Variants in KANSL1 observed in about 807,000 individuals in gnomAD.
KANSL1 encodes KAT8 regulatory NSL complex subunit 1.
A neutral mutation model predicts 103.6 loss-of-function variants in KANSL1; 22 were observed. The ratio of observed to expected loss-of-function variants is 0.21; its 90% CI spans 0.15 to 0.30. The LOEUF is 0.30. Ranked by LOEUF, KANSL1 falls within the 10% of genes least tolerant of loss-of-function variation. The probability of loss-of-function intolerance (pLI) is 1.00; values close to 1 mark genes in which losing one functional copy is unlikely to be tolerated. For missense variants in KANSL1, 1,337 were observed against 1,399.8 expected, an observed-to-expected ratio of 0.96 and a Z score of 0.72; for synonymous variants, 600 against 527.6, an observed-to-expected ratio of 1.14 and a Z score of -1.88.
intron 1 of KANSL1, among the ~76,000 whole-genome samples, chr17:46,180,127 T>C (rs537325462): frequency 6.6e-6 from 1 of 151,888 alleles, no homozygotes; most frequent in African/African-American, 2.4e-5. Flanking sequence ...GAGGAAATAG[T>C]AGAATGAAGG....
intron 1 of KANSL1, among the ~76,000 whole-genome samples, chr17:46,187,197 T>C (rs2047075318): frequency 6.6e-6 from 1 of 152,250 alleles, no homozygotes; most frequent in Non-Finnish European, 1.5e-5. Flanking sequence ...ATATGAGTTC[T>C]TAGCAATTTT....
intron 6 of KANSL1, among the ~76,000 whole-genome samples, chr17:46,053,178 G>A (rs1598488953): frequency 2.0e-5 from 3 of 151,484 alleles, no homozygotes; most frequent in East Asian, 1.9e-4. Context: ...CCAGCTACTG[G>A]AGAGGCTGGT....
At position 46,145,083 on chromosome 17, in the gene KANSL1, A is replaced by G. The variant is rs186510959; in HGVS notation, c.1289+25772T>C. On this transcript the variant is annotated intron_variant, in intron 2 of 14. Coordinates refer to ENST00000432791, the MANE Select transcript of KANSL1 (RefSeq NM_015443.4). ...GAAATAATTCTTTTAGGATTGACAG[A>G]CAAGTACTACTTAAGTTCTATCATC... 2.2e-4 allele frequency among the ~76,000 whole-genome samples: 33 copies of G among 152,354 alleles called. No homozygotes were observed. The East Asian group carries it at 5.8e-3, about 27-fold the overall frequency.
At chr17:46,125,857 G>C (rs564583267) in intron 2 of KANSL1, among the ~76,000 whole-genome samples, 1 of 152,194 alleles carries the variant, frequency 6.6e-6, no homozygotes, top group Non-Finnish European at 1.5e-5. Context: ...CTACAGGCTA[G>C]TATTAGTAAT....
At chr17:46,062,617 C>G (rs1361872170) in intron 6 of KANSL1, among the ~76,000 whole-genome samples, 1 of 151,774 alleles carries the variant, frequency 6.6e-6, no homozygotes, top group Non-Finnish European at 1.5e-5. Context: ...CTTGGCCTCC[C>G]AAAGTGCTGG....
chr17:46,216,244 G>C (rs1479207259), intron 1 of KANSL1, among the ~76,000 whole-genome samples: 1 of 152,192 alleles, frequency 6.6e-6, no homozygotes, highest in Non-Finnish European at 1.5e-5. Context: ...TGCACAGGGT[G>C]AGAGGAAGAA....
At chr17:46,069,620 T>G (rs2078503502) in intron 4 of KANSL1, among the ~76,000 whole-genome samples, 2 of 152,102 alleles carry the variant, frequency 1.3e-5, no homozygotes, top group African/African-American at 2.4e-5. Context: ...GGCGCCTGTC[T>G]GTAATCCCAG....
chr17:46,223,924 A>AT (rs1488109399), upstream of KANSL1: 1 of 151,050 alleles, frequency 6.6e-6, no homozygotes, highest in Non-Finnish European at 1.5e-5. Flanking sequence ...AGTATAGAAA[A>AT]TACAGTCCCC....
chr17:46,072,605 T>C (rs572917586), intron 4 of KANSL1, among the ~76,000 whole-genome samples: 26 of 152,214 alleles, frequency 1.7e-4, no homozygotes, highest in East Asian at 5.8e-4. Context: ...GGCCTATAAA[T>C]AGTATACTAG....
At chr17:46,169,272 C>A (rs1205076428) in intron 2 of KANSL1, among the ~76,000 whole-genome samples, 1 of 152,208 alleles carries the variant, frequency 6.6e-6, no homozygotes, top group Non-Finnish European at 1.5e-5. Flanking sequence ...AGAAGCAAGC[C>A]TCTGAAGCAT....
chr17:46,096,775 C>T (rs1347215304), intron 2 of KANSL1, among the ~76,000 whole-genome samples: 1 of 152,074 alleles, frequency 6.6e-6, no homozygotes, highest in East Asian at 1.9e-4. Flanking sequence ...CCCACCACCA[C>T]GCCTGGCTAA....
chr17:46,135,923 A>C (rs1284150081), intron 2 of KANSL1, among the ~76,000 whole-genome samples: 1 of 152,008 alleles, frequency 6.6e-6, no homozygotes, highest in Non-Finnish European at 1.5e-5. Context: ...CCATTTCTTA[A>C]TGTATCTATT....
At chr17:46,097,179 T>C (rs2042122957) in intron 2 of KANSL1, among the ~76,000 whole-genome samples, 1 of 152,246 alleles carries the variant, frequency 6.6e-6, no homozygotes, top group Non-Finnish European at 1.5e-5. Context: ...ATTCATTTAA[T>C]AGTTCTATAG....
intron 1 of KANSL1, among the ~76,000 whole-genome samples, chr17:46,186,246 G>C (rs1322146404): frequency 6.6e-6 from 1 of 151,698 alleles, no homozygotes; most frequent in Non-Finnish European, 1.5e-5. Context: ...AGCTGAGCAT[G>C]ATGGCGGGCA....
At chr17:46,176,691 TAA>T (rs56676109) in intron 1 of KANSL1, among the ~76,000 whole-genome samples, 92 of 141,546 alleles carry the variant, frequency 6.5e-4, no homozygotes, top group Non-Finnish European at 6.8e-4. Context: ...GACTCCATCT[TAA>T]AAAAAAAAAA....
At chr17:46,036,790 GC>G (rs2077163693) in intron 10 of KANSL1, among the ~76,000 whole-genome samples, 2 of 151,256 alleles carry the variant, frequency 1.3e-5, no homozygotes, top group African/African-American at 4.9e-5. Flanking sequence ...CTTGATCTCC[GC>G]TCACTGGAAC....
At chr17:46,114,152 A>C (rs187223371) in intron 2 of KANSL1, among the ~76,000 whole-genome samples, 89 of 152,298 alleles carry the variant, frequency 5.8e-4, no homozygotes, top group Middle Eastern at 3.4e-3. Context: ...CAAGGTCACG[A>C]GTTCTAGACC....
chr17:46,070,322 T>C (rs550426371), intron 4 of KANSL1, among the ~76,000 whole-genome samples: 2 of 152,280 alleles, frequency 1.3e-5, no homozygotes, highest in Non-Finnish European at 2.9e-5. Flanking sequence ...AAAAAAATAA[T>C]AGTTTAATAT....
intron 2 of KANSL1, among the ~76,000 whole-genome samples, chr17:46,136,662 A>C (rs1230979251): frequency 1.3e-5 from 2 of 152,240 alleles, no homozygotes; most frequent in Non-Finnish European, 2.9e-5. Flanking sequence ...ACGTTTCCAA[A>C]AAAGTTCCAT....
Sources: gnomAD v4.1 joint callset for allele counts (sites outside exome capture counted in the v4.1 genomes callset) on GRCh38, gnomAD v4.1.1 for gene constraint, MANE v1.5 for transcripts, NCBI Gene and HGNC (gene_info 2026-07-23, HGNC 2026-07-21) for gene names.